Variants in KCNK12 observed in about 807,000 individuals in gnomAD.
KCNK12 encodes the protein potassium channel subfamily K member 12.
KCNK12 carries 6 observed loss-of-function variants against 25.3 expected under a neutral mutation model. The ratio of observed to expected loss-of-function variants is 0.24; its 90% CI spans 0.13 to 0.47. KCNK12 has a LOEUF of 0.47. Ranked by LOEUF, KCNK12 falls within the 20% of genes least tolerant of loss-of-function variation. The pLI is 0.99. For synonymous variants in KCNK12, 331 were observed against 311.1 expected (o/e 1.06, Z -0.67); for missense variants, 444 against 661.7 (o/e 0.67, Z 3.61).
intron 1 of KCNK12, among the ~76,000 whole-genome samples, chr2:47,536,491 T>C (rs1030516967): frequency 1.3e-5 from 2 of 152,178 alleles, no homozygotes; most frequent in African/African-American, 4.8e-5. Context: ...ACCAGAAACA[T>C]TGTCTCCATC....
In KCNK12 at chr2:47,562,889, G is replaced by T. The variant is rs1438462536; in HGVS notation, c.391+7052C>A. ...ACTCTGCCCAAAGCACCCACCTTGGGCTCCACACACTTTCCGGATTGCTGG... is the reference window on the plus strand; with the variant it reads ...ACTCTGCCCAAAGCACCCACCTTGGTCTCCACACACTTTCCGGATTGCTGG... On this transcript the variant is annotated intron_variant, in intron 1 of 1. Coordinates refer to ENST00000327876, the MANE Select transcript of KCNK12 (RefSeq NM_022055.2). This position sits in a 1 kb window ranked among gnomAD's most constrained non-coding sequence, Gnocchi z 4.8. The T allele has an allele frequency of 8.6e-6, 2 of 233,114 alleles. No homozygotes were observed. Among genetic ancestry groups the T allele is most frequent in the Non-Finnish European group, 1.7e-5 (2 of 118,106 alleles). The allele number at this position is 233,114 out of a possible 1,614,324, so 14.4% of individuals were successfully genotyped here.
intron 1 of KCNK12, among the ~76,000 whole-genome samples, chr2:47,568,451 C>A (rs1423382106): frequency 6.6e-6 from 1 of 152,070 alleles, no homozygotes; most frequent in Non-Finnish European, 1.5e-5. Flanking sequence ...TTTGTGTGTG[C>A]CTTGGACTTG....
chr2:47,530,585 C>T lies in KCNK12; in HGVS notation c.392-8777G>A, dbSNP rs75104263. ...TCCACGCACCGTGCCAAGTGCTGCA[C>T]GCGTATCAATTCATTTAATCCTCAC... is the stretch of plus-strand genomic sequence containing the variant. On this transcript the variant is annotated intron_variant, in intron 1 of 1. Transcript: ENST00000327876. 4.9e-3 allele frequency among the ~76,000 whole-genome samples: 741 copies of T among 152,284 alleles called. 10 individuals are homozygous for T. The highest frequency in any genetic ancestry group is 0.017 in the African/African-American group (698 of 41,544).
rs1668620562 is a variant in KCNK12, at chr2:47,520,241, A to AT, written c.*665_*666insA. On this transcript the variant is annotated 3_prime_UTR_variant, in exon 2 of 2. Coordinates refer to ENST00000327876, the MANE Select transcript of KCNK12 (RefSeq NM_022055.2). This position sits in a 1 kb window ranked among gnomAD's most constrained non-coding sequence, Gnocchi z 5.0. ...AGTAGCTGCCCTGTGCTCTGTGCTA[A>AT]ATGGACTAACTCTGAGCTGAGAAAG... 6.6e-6 allele frequency: 1 copy of AT among 152,234 alleles called. No individual in the cohort carries two copies. The highest frequency in any genetic ancestry group is 2.1e-4 in the South Asian group (1 of 4,822). The allele number at this position is 152,234 out of a possible 1,614,324, so 9.4% of individuals were successfully genotyped here.
chr2:47,563,661 G>A (rs1343723356), intron 1 of KCNK12: 7 of 232,906 alleles, frequency 3.0e-5, no homozygotes, highest in African/African-American at 8.8e-5. Flanking sequence ...CCACTGGTCC[G>A]GACTCCAGCC....
chr2:47,521,557 G>C lies in KCNK12; in HGVS notation c.643C>G (p.His215Asp). Residue 215 changes from histidine to aspartate, a missense_variant, in exon 2 of 2, where the codon CAC (histidine) becomes GAC (aspartate). Physicochemically the swap from His to Asp is moderately conservative, Grantham distance 81. Around this residue, in one of 8 missense-constraint regions of KCNK12, gnomAD observed 56 missense variants for 135.7 expected, o/e 0.41. Transcript: ENST00000327876. ...AACAGGCCCAGGATGAGCAGCACGT[G>C]GTACACCGAGGGCTTCCAGCCCGCC... ...SLAGWKPSVYHVLLILGLFAV... is the reference protein window; with the variant it reads ...SLAGWKPSVYDVLLILGLFAV... 1 of 1,559,232 alleles carries C rather than the reference G, an allele frequency of 6.4e-7. No homozygotes were observed. The highest frequency in any genetic ancestry group is 8.7e-7 in the Non-Finnish European group (1 of 1,151,650).
At chr2:47,545,095 A>C (rs1033349372) in intron 1 of KCNK12, among the ~76,000 whole-genome samples, 5 of 152,008 alleles carry the variant, frequency 3.3e-5, no homozygotes, top group Non-Finnish European at 7.4e-5. Context: ...CTGGGTGGGG[A>C]GGGAAGTCAT....
intron 1 of KCNK12, among the ~76,000 whole-genome samples, chr2:47,532,718 T>C (rs1668961540): frequency 1.3e-5 from 2 of 152,232 alleles, no homozygotes; most frequent in Non-Finnish European, 2.9e-5. Flanking sequence ...GAAGTGAGCA[T>C]TGCCTGGCAC....
At position 47,514,544 on chromosome 2, in the gene KCNK12, AG is replaced by A. The variant is rs1668478992; in HGVS notation, c.*6362del. 6.6e-6 allele frequency among the ~76,000 whole-genome samples: 1 copy of A among 152,050 alleles called. No homozygotes were observed. Among genetic ancestry groups the A allele is most frequent in the Non-Finnish European group, 1.5e-5 (1 of 68,000 alleles). On this transcript the variant is annotated 3_prime_UTR_variant, in exon 2 of 2. Transcript: ENST00000327876. The surrounding 1 kb of genome is among the most constrained non-coding windows in gnomAD (Gnocchi z 5.0). ...GGGGATTAAATAAGATAAATATGCA[AG>A]TCTCTTATCTGGGGGTCTGGCTTGG...
At position 47,514,919 on chromosome 2, in the gene KCNK12, C is replaced by A. The variant is rs1668485972; in HGVS notation, c.*5988G>T. On this transcript the variant is annotated 3_prime_UTR_variant, in exon 2 of 2. Transcript: ENST00000327876. The surrounding 1 kb of genome is among the most constrained non-coding windows in gnomAD (Gnocchi z 5.0). Reference sequence around the variant, plus strand: ...GAGCCACCATGCCCAGCTAAAAGTTCCTTTTTAAAATCTGCTTGTTAGATA... The same window carrying A: ...GAGCCACCATGCCCAGCTAAAAGTTACTTTTTAAAATCTGCTTGTTAGATA... Among the ~76,000 whole-genome samples, 1 of 152,150 alleles carries A rather than the reference C, an allele frequency of 6.6e-6. No individual in the cohort carries two copies. Among genetic ancestry groups the A allele is most frequent in the African/African-American group, 2.4e-5 (1 of 41,448 alleles).
chr2:47,535,101 C>G (rs1294331276), intron 1 of KCNK12: 1 of 230,876 alleles, frequency 4.3e-6, no homozygotes, highest in Non-Finnish European at 8.6e-6. Flanking sequence ...TCCTTAAGGG[C>G]CCGGCTCCCT....
chr2:47,547,207 T>C lies in KCNK12; in HGVS notation c.391+22734A>G, dbSNP rs1003631038. On this transcript the variant is annotated intron_variant, in intron 1 of 1. Transcript: ENST00000327876. The surrounding 1 kb of genome is among the most constrained non-coding windows in gnomAD (Gnocchi z 5.0). ...TCTTCAAGGGCACTGCGGCTCAATC[T>C]TCAGATCTCTTCTTTTCTGGCTCCC... is the stretch of plus-strand genomic sequence containing the variant. Among the ~76,000 whole-genome samples, 2 of 152,182 alleles carry C rather than the reference T, an allele frequency of 1.3e-5. No individual in the cohort carries two copies. Among genetic ancestry groups the C allele is most frequent in the Non-Finnish European group, 1.5e-5 (1 of 68,032 alleles).
rs1309585782 is a variant in KCNK12 at position 47,569,395 on chromosome 2, G to A, written c.391+546C>T. On this transcript the variant is annotated intron_variant, in intron 1 of 1. Transcript: ENST00000327876. The surrounding 1 kb of genome is among the most constrained non-coding windows in gnomAD (Gnocchi z 4.1). ...ACTTTGGGGGGCGGTATAGACTGTA[G>A]GAGAAGCAAGTGGGAAGGAGATGTA... 6.6e-6 allele frequency among the ~76,000 whole-genome samples: 1 copy of A among 152,148 alleles called. No individual in the cohort carries two copies. The highest frequency in any genetic ancestry group is 1.5e-5 in the Non-Finnish European group (1 of 68,034).
Position 47,570,279 on chromosome 2 carries a change from G to C in KCNK12, c.53C>G (p.Pro18Arg). The change falls in exon 1 of 2, where the codon CCG (proline) becomes CGG (arginine). Residue 18 changes from proline to arginine, a missense_variant. By Grantham distance (103) the Pro-to-Arg change is moderately radical (BLOSUM62 -2). Around this residue, in one of 8 missense-constraint regions of KCNK12, gnomAD observed 67 missense variants for 59.2 expected, o/e 1.13. Transcript: ENST00000327876. ...PPPRRSRRRL[P>R]RPSCCCCCCR... is the part of the protein sequence containing the mutation. ...GCAGCAGCAGCAGCAGGAGGGGCGC[G>C]GCAGGCGGCGGCGGCTACGGCGGGG... The C allele has an allele frequency of 7.2e-7, 1 of 1,395,588 alleles. No individual in the cohort carries two copies. Among genetic ancestry groups the C allele is most frequent in the Non-Finnish European group, 9.3e-7 (1 of 1,076,548 alleles). 86.5% of individuals were successfully genotyped at this position (1,395,588 alleles called of 1,614,324 possible). A position where few individuals can be genotyped will look rare whatever the true frequency, so the allele number is the denominator to read the frequency against.
chr2:47,521,162 G>C lies in KCNK12; in HGVS notation c.1038C>G (p.Ala346=). Residue 346 remains alanine, a synonymous_variant, in exon 2 of 2, where the codon GCC becomes GCG. Coordinates refer to ENST00000327876, the MANE Select transcript of KCNK12 (RefSeq NM_022055.2). ...GGGCCGCGGGGTCGGCACCGAGCGC[G>C]GCCAGGCGGCGGCGCAGCCGGGAGC... is the stretch of plus-strand genomic sequence containing the variant. The part of the protein sequence containing the change: ...TPGSRLRRRL[A]ALGADPAARD... The C allele has an allele frequency of 7.7e-7, 1 of 1,292,682 alleles. No homozygotes were observed. The allele number at this position is 1,292,682 out of a possible 1,614,324, so 80.1% of individuals were successfully genotyped here.
rs866348962 is a variant in KCNK12 at position 47,510,777 on chromosome 2, T to G, written c.*10130A>C. ...GGTCTATTAACCCTGGTATTAATAT[T>G]AACTGGCTGCCCAGAATAAATGAAG... On this transcript the variant is annotated 3_prime_UTR_variant, in exon 2 of 2. Coordinates refer to ENST00000327876, the MANE Select transcript of KCNK12 (RefSeq NM_022055.2). 6.6e-6 allele frequency: 1 copy of G among 152,190 alleles called. No individual in the cohort carries two copies. The highest frequency in any genetic ancestry group is 6.5e-5 in the Admixed American group (1 of 15,274). The allele number at this position is 152,190 out of a possible 1,614,324, so 9.4% of individuals were successfully genotyped here. A position where few individuals can be genotyped will look rare whatever the true frequency, so the allele number is the denominator to read the frequency against.
At chr2:47,550,461 C>T (rs1669405175) in intron 1 of KCNK12, among the ~76,000 whole-genome samples, 1 of 143,862 alleles carries the variant, frequency 7.0e-6, no homozygotes, top group Admixed American at 7.1e-5. Context: ...TGGCTCTCTG[C>T]AACCTCTGCC....
chr2:47,561,494 G>A (rs527717719), intron 1 of KCNK12, among the ~76,000 whole-genome samples: 6 of 152,324 alleles, frequency 3.9e-5, no homozygotes, highest in African/African-American at 1.4e-4. Context: ...ACACAGCAGG[G>A]GGGCTGAGGC....
Position 47,551,307 on chromosome 2 carries a change from C to G in KCNK12, c.391+18634G>C, listed in dbSNP as rs1318685041. ...ACATGGCTCACTCCCTTACCTCATTCCAAGCCTCCACTCAGGGGTCACATC... is the reference window on the plus strand; with the variant it reads ...ACATGGCTCACTCCCTTACCTCATTGCAAGCCTCCACTCAGGGGTCACATC... On this transcript the variant is annotated intron_variant, in intron 1 of 1. Coordinates refer to ENST00000327876, the MANE Select transcript of KCNK12 (RefSeq NM_022055.2). This position sits in a 1 kb window ranked among gnomAD's most constrained non-coding sequence, Gnocchi z 5.3. 2.0e-5 allele frequency among the ~76,000 whole-genome samples: 3 copies of G among 152,212 alleles called. No homozygotes were observed. Among genetic ancestry groups the G allele is most frequent in the Admixed American group, 2.0e-4 (3 of 15,286 alleles).
Sources: gnomAD v4.1 joint callset for allele counts (sites outside exome capture counted in the v4.1 genomes callset) on GRCh38, gnomAD v4.1.1 for gene constraint, gnomAD v4.1.1 regional missense constraint, Gnocchi (gnomAD v3.1) non-coding constraint, MANE v1.5 for transcripts, NCBI Gene and HGNC (gene_info 2026-07-23, HGNC 2026-07-21) for gene names.